Variants in SDK1 observed in about 807,000 individuals in gnomAD.
The protein encoded by SDK1 is protein sidekick-1.
In SDK1, 157 loss-of-function variants were observed where a neutral mutation model predicts 245.5. The ratio of observed to expected loss-of-function variants is 0.64; its 90% confidence interval spans 0.56 to 0.73. SDK1 has a LOEUF of 0.73. SDK1 is among the 30% of genes least tolerant of loss of function. The pLI is 0.00. For missense variants in SDK1, 3,583 were observed against 3,002.3 expected (o/e 1.19, Z -4.52); for synonymous variants, 1,647 against 1,278.5 (o/e 1.29, Z -6.15).
At chr7:4,148,964 G>T (rs1037242924) in intron 29 of SDK1, among the ~76,000 whole-genome samples, 22 of 152,196 alleles carry the variant, frequency 1.4e-4, no homozygotes, top group African/African-American at 5.3e-4. Flanking sequence ...GCTGAGGCAG[G>T]AGAATCCCTT....
At chr7:3,305,515 A>G (rs1779394019) in intron 1 of SDK1, among the ~76,000 whole-genome samples, 1 of 151,976 alleles carries the variant, frequency 6.6e-6, no homozygotes, top group Admixed American at 6.5e-5. Flanking sequence ...TTCACTACAA[A>G]TCTAGCTTCC....
At chr7:3,585,510 G>C (rs1243727742) in intron 1 of SDK1, among the ~76,000 whole-genome samples, 1 of 152,214 alleles carries the variant, frequency 6.6e-6, no homozygotes, top group Admixed American at 6.5e-5. Flanking sequence ...ATAAAGGACT[G>C]ATGGTAGCTG....
chr7:3,925,676 C>T (rs372984303), intron 5 of SDK1, among the ~76,000 whole-genome samples: 2 of 152,186 alleles, frequency 1.3e-5, no homozygotes, highest in South Asian at 4.1e-4. Flanking sequence ...CTTCTCTTTT[C>T]AGCTGAAGAA....
At chr7:4,137,955 A>G (rs542127664) in intron 28 of SDK1, among the ~76,000 whole-genome samples, 28 of 152,322 alleles carry the variant, frequency 1.8e-4, no homozygotes, top group Middle Eastern at 6.8e-3. Flanking sequence ...TCTATTGTCC[A>G]TCGAGTCTAG....
At chr7:3,619,047 A>C in intron 1 of SDK1, 33 bp from the exon 2 acceptor site, 1 of 1,496,380 alleles carries the variant, frequency 6.7e-7, no homozygotes, top group South Asian at 1.2e-5. Flanking sequence ...TGCGTACTTC[A>C]GTTTTGTTTT....
At chr7:3,544,626 T>C (rs1779159140) in intron 1 of SDK1, among the ~76,000 whole-genome samples, 1 of 152,262 alleles carries the variant, frequency 6.6e-6, no homozygotes. Context: ...ACAGCTCATT[T>C]AGTCTTCATA....
chr7:3,695,923 T>A (rs1177245655), intron 4 of SDK1, among the ~76,000 whole-genome samples: 1 of 152,172 alleles, frequency 6.6e-6, no homozygotes, highest in African/African-American at 2.4e-5. Flanking sequence ...ACTTTTCACT[T>A]ATTTCGGGTT....
intron 4 of SDK1, among the ~76,000 whole-genome samples, chr7:3,650,979 G>A (rs890371565): frequency 2.6e-5 from 4 of 151,866 alleles, no homozygotes; most frequent in Non-Finnish European, 4.4e-5. Flanking sequence ...AATCTGGATT[G>A]TATCCAGTTT....
At chr7:3,573,814 C>A (rs773166552) in intron 1 of SDK1, among the ~76,000 whole-genome samples, 1 of 151,866 alleles carries the variant, frequency 6.6e-6, no homozygotes, top group Non-Finnish European at 1.5e-5. Context: ...ACCCTTGAAG[C>A]CCCCTGCTGT....
intron 5 of SDK1, among the ~76,000 whole-genome samples, chr7:3,854,365 G>C (rs547445570): frequency 6.6e-6 from 1 of 152,170 alleles, no homozygotes; most frequent in Admixed American, 6.5e-5. Context: ...TATAGAGTAT[G>C]TGTGCAGATT....
At chr7:3,876,961 G>T (rs1313307663) in intron 5 of SDK1, among the ~76,000 whole-genome samples, 1 of 152,208 alleles carries the variant, frequency 6.6e-6, no homozygotes, top group African/African-American at 2.4e-5. Context: ...TTAAAGCAAA[G>T]ACTTTTATGC....
At chr7:4,191,422 C>CGCT (rs2128222680) in intron 35 of SDK1, among the ~76,000 whole-genome samples, 1 of 152,348 alleles carries the variant, frequency 6.6e-6, no homozygotes, top group South Asian at 2.1e-4. Flanking sequence ...GCGCGGTGCC[C>CGCT]GCTGCTGCAT....
At chr7:3,476,575 T>G (rs1342654928) in intron 1 of SDK1, among the ~76,000 whole-genome samples, 1 of 152,266 alleles carries the variant, frequency 6.6e-6, no homozygotes, top group Non-Finnish European at 1.5e-5. Context: ...TGTTTCAGAA[T>G]ACATATGTGT....
At chr7:3,804,234 A>T (rs1779183958) in intron 4 of SDK1, among the ~76,000 whole-genome samples, 1 of 152,196 alleles carries the variant, frequency 6.6e-6, no homozygotes, top group African/African-American at 2.4e-5. Context: ...AAATATATTT[A>T]TGATGTTTTA....
At chr7:3,664,495 T>C (rs1156781973) in intron 4 of SDK1, among the ~76,000 whole-genome samples, 1 of 152,126 alleles carries the variant, frequency 6.6e-6, no homozygotes, top group African/African-American at 2.4e-5. Context: ...ACCCAGCACT[T>C]TGGGAGGCCG....
At chr7:4,169,505 G>A (rs1280784633) in intron 32 of SDK1, among the ~76,000 whole-genome samples, 3 of 152,276 alleles carry the variant, frequency 2.0e-5, no homozygotes, top group Admixed American at 6.5e-5. Flanking sequence ...CAGCTCAAAC[G>A]CCATTCCCTG....
chr7:4,141,317 A>G (rs1363255938), intron 28 of SDK1, among the ~76,000 whole-genome samples: 5 of 152,350 alleles, frequency 3.3e-5, no homozygotes, highest in Middle Eastern at 3.4e-3. Context: ...AGAAGAAACC[A>G]GTTCCCACAT....
chr7:4,209,505 C>T lies in SDK1; in HGVS notation c.5402-520C>T, dbSNP rs972315099. 1.1e-4 allele frequency among the ~76,000 whole-genome samples: 16 copies of T among 152,202 alleles called. 2 individuals are homozygous for T. Among genetic ancestry groups the T allele is most frequent in the African/African-American group, 3.6e-4 (15 of 41,446 alleles). ...TCTAGATATTTCCACCAGCTCCCTC[C>T]CCGCTCCAGACCCAGGGGGACACTC... On this transcript the variant is annotated intron_variant, in intron 37 of 44. Transcript: ENST00000404826.
chr7:3,580,995 C>A (rs10280598), intron 1 of SDK1, among the ~76,000 whole-genome samples: 10,778 of 57,728 alleles, frequency 0.19, 1,406 homozygotes, highest in South Asian at 0.36. Context: ...AAAAAAAAAA[C>A]CAAAACAAAA....
Sources: allele counts gnomAD v4.1 joint callset (sites outside exome capture counted in the v4.1 genomes callset), GRCh38; gene constraint gnomAD v4.1.1; transcripts MANE v1.5; gene names NCBI Gene and HGNC (gene_info 2026-07-23, HGNC 2026-07-21).